HNRNPLL: variants seen among roughly 807,000 people sequenced by gnomAD.
The protein encoded by HNRNPLL is heterogeneous nuclear ribonucleoprotein L like.
Under a neutral mutation model 67.1 loss-of-function variants are expected in HNRNPLL, and 25 were observed. The ratio of observed to expected loss-of-function variants is 0.37; its 90% CI spans 0.27 to 0.52. The LOEUF is 0.52. HNRNPLL is among the 20% of genes least tolerant of loss of function. The pLI, the probability that HNRNPLL is intolerant of heterozygous loss-of-function variation, is 0.90. For missense variants in HNRNPLL, 542 were observed against 673.9 expected (o/e 0.80, Z 2.17); for synonymous variants, 267 against 241.7 (o/e 1.10, Z -0.97).
At chr2:38,594,574 G>T (rs749992929) in intron 1 of HNRNPLL, among the ~76,000 whole-genome samples, 10 of 152,144 alleles carry the variant, frequency 6.6e-5, no homozygotes, top group Non-Finnish European at 1.5e-4. Context: ...TATACGTTAA[G>T]TTGAACATTT....
intron 2 of HNRNPLL, among the ~76,000 whole-genome samples, chr2:38,589,500 T>C (rs1666877782): frequency 6.6e-6 from 1 of 152,246 alleles, no homozygotes. Flanking sequence ...CACCTATTTA[T>C]GCCAATTAAG....
At position 38,583,991 on chromosome 2, in the gene HNRNPLL, C is replaced by T. The variant is rs548262590; in HGVS notation, c.547-65G>A. 12 of 646,522 alleles carry T rather than the reference C, an allele frequency of 1.9e-5. No homozygotes were observed. The Admixed American group carries it at 3.3e-4, about 18-fold the overall frequency. The allele number at this position is 646,522 out of a possible 1,614,324, so 40.0% of individuals were successfully genotyped here. A position where few individuals can be genotyped will look rare whatever the true frequency, so the allele number is the denominator to read the frequency against. On this transcript the variant is annotated intron_variant, in intron 3 of 12. Transcript: ENST00000449105. The stretch of plus-strand genomic sequence containing the variant: ...CTGAAAAAACATTAAAGCTATACTT[C>T]GTTTTGTTTTACCTAAAAACTATCA...
At chr2:38,587,365 ATTAT>A (rs148974488) in intron 2 of HNRNPLL, among the ~76,000 whole-genome samples, 2,545 of 152,274 alleles carry the variant, frequency 0.017, 64 homozygotes, top group African/African-American at 0.058. Context: ...CTGTATTATT[ATTAT>A]TTAACGTATC....
chr2:38,594,989 A>AT (rs1187103416), intron 1 of HNRNPLL, among the ~76,000 whole-genome samples: 2 of 151,914 alleles, frequency 1.3e-5, no homozygotes, highest in African/African-American at 2.4e-5. Flanking sequence ...TAAATAAAAC[A>AT]TTATTAGCCA....
chr2:38,585,806 C>G lies in HNRNPLL; in HGVS notation c.384G>C (p.Val128=). The part of the protein sequence containing the change: ...FENIDSAKEC[V]TFAADEPVYI... ...ACACGGGTTCATCTGCAGCAAATGT[C>G]ACACATTCTTTGGCACTATCTATGT... The change falls in exon 3 of 13, where the codon GTG becomes GTC. Residue 128 remains valine (V), a synonymous_variant. Coordinates refer to ENST00000449105, the MANE Select transcript of HNRNPLL (RefSeq NM_138394.4). 1 of 1,613,992 alleles carries G rather than the reference C, an allele frequency of 6.2e-7. No homozygotes were observed. The highest frequency in any genetic ancestry group is 8.5e-7 in the Non-Finnish European group (1 of 1,179,906).
rs111364513 is a variant in HNRNPLL at position 38,584,750 on chromosome 2, C to G, written c.547-824G>C. Among the ~76,000 whole-genome samples the G allele has an allele frequency of 8.7e-3, 1,322 of 152,174 alleles. 16 individuals are homozygous for G. The highest frequency in any genetic ancestry group is 0.03 in the African/African-American group (1,247 of 41,526). The stretch of plus-strand genomic sequence containing the variant: ...TCACTAAACAAGACGCCTGAGTCAT[C>G]TAAGAATCTAAATACCTACTTAGGA... On this transcript the variant is annotated intron_variant, in intron 3 of 12. Transcript: ENST00000449105.
chr2:38,573,761 C>T lies in HNRNPLL; in HGVS notation c.875-334G>A, dbSNP rs891178573. Reference sequence around the variant, plus strand: ...TGGGGCTACTGTATATAAATTATACCTCAAATTTAAAAAATAAACCTCCTG... The same window carrying T: ...TGGGGCTACTGTATATAAATTATACTTCAAATTTAAAAAATAAACCTCCTG... On this transcript the variant is annotated intron_variant, in intron 7 of 12. Transcript: ENST00000449105. Among the ~76,000 whole-genome samples the T allele has an allele frequency of 3.3e-5, 5 of 151,546 alleles. No homozygotes were observed. In the South Asian group the frequency reaches 6.2e-4, roughly 19 times the overall value.
intron 1 of HNRNPLL, among the ~76,000 whole-genome samples, chr2:38,597,078 C>T (rs1047195837): frequency 2.0e-5 from 3 of 152,150 alleles, no homozygotes; most frequent in Admixed American, 1.3e-4. Flanking sequence ...GCAATACTAA[C>T]TTTAAATGCT....
At chr2:38,582,693 G>A (rs1046937864) in intron 4 of HNRNPLL, among the ~76,000 whole-genome samples, 3 of 152,050 alleles carry the variant, frequency 2.0e-5, no homozygotes, top group Admixed American at 1.3e-4. Flanking sequence ...GCTGAACCAG[G>A]TGAACAGCCT....
chr2:38,601,652 ATG>A (rs1461154677), intron 1 of HNRNPLL: 1 of 152,212 alleles, frequency 6.6e-6, no homozygotes, highest in East Asian at 1.9e-4. Flanking sequence ...GGCTCTAGGA[ATG>A]TGTGTTTAAT....
At chr2:38,590,613 C>T (rs944478233) in intron 2 of HNRNPLL, among the ~76,000 whole-genome samples, 8 of 152,156 alleles carry the variant, frequency 5.3e-5, no homozygotes, top group Admixed American at 2.0e-4. Context: ...ATTATGTTTT[C>T]ACTTAAGTTA....
At chr2:38,583,160 A>T (rs564303052) in intron 4 of HNRNPLL, among the ~76,000 whole-genome samples, 78 of 152,346 alleles carry the variant, frequency 5.1e-4, no homozygotes, top group African/African-American at 1.8e-3. Flanking sequence ...AAATTTTATC[A>T]GTTTTTAAAA....
intron 7 of HNRNPLL, 137 bp from the exon 8 acceptor site, chr2:38,573,564 A>C: frequency 1.6e-6 from 1 of 625,374 alleles, no homozygotes; most frequent in Non-Finnish European, 2.8e-6. Flanking sequence ...AGAAAACTCA[A>C]ATGTATGAAT....
chr2:38,562,010 T>C lies in HNRNPLL; in HGVS notation c.*2172A>G, dbSNP rs1194987840. 6.6e-6 allele frequency: 1 copy of C among 152,210 alleles called. No individual in the cohort carries two copies. The highest frequency in any genetic ancestry group is 1.5e-5 in the Non-Finnish European group (1 of 68,026). 9.4% of individuals were successfully genotyped at this position (152,210 alleles called of 1,614,324 possible). ...GGCAGATTTATTATCAAATGTGTAG[T>C]AGGATTTGGATACAGAGATGGGATT... On this transcript the variant is annotated 3_prime_UTR_variant, in exon 13 of 13. Coordinates refer to ENST00000449105, the MANE Select transcript of HNRNPLL (RefSeq NM_138394.4).
At chr2:38,573,849 C>T (rs1197295363) in intron 7 of HNRNPLL, among the ~76,000 whole-genome samples, 2 of 151,798 alleles carry the variant, frequency 1.3e-5, no homozygotes, top group African/African-American at 4.8e-5. Flanking sequence ...GCTATCTCTA[C>T]ACAGATATAA....
rs72905899 is a variant in HNRNPLL at position 38,586,560 on chromosome 2, G to A, written c.309-679C>T. On this transcript the variant is annotated intron_variant, in intron 2 of 12. Transcript: ENST00000449105. ...AGGTTGGCAGACAGAATCCCTACTTGACAGCACAAACTACCTCTCTCGAAT... is the reference window on the plus strand; with the variant it reads ...AGGTTGGCAGACAGAATCCCTACTTAACAGCACAAACTACCTCTCTCGAAT... Among the ~76,000 whole-genome samples, 926 of 152,252 alleles carry A rather than the reference G, an allele frequency of 6.1e-3. 14 individuals are homozygous for A. Among genetic ancestry groups the A allele is most frequent in the African/African-American group, 0.019 (785 of 41,538 alleles).
intron 2 of HNRNPLL, among the ~76,000 whole-genome samples, chr2:38,587,205 T>C (rs374152756): frequency 1.3e-5 from 2 of 152,156 alleles, no homozygotes; most frequent in South Asian, 4.1e-4. Flanking sequence ...AAGAAACAGA[T>C]CACCTTACAG....
intron 6 of HNRNPLL, 24 bp from the exon 7 acceptor site, chr2:38,577,556 T>C (rs765559884): frequency 7.3e-6 from 11 of 1,512,132 alleles, no homozygotes; most frequent in South Asian, 1.1e-5. Flanking sequence ...AGAAACATGG[T>C]TTTAACAATT....
rs1432978881 is a variant in HNRNPLL, at chr2:38,563,919, T to G, written c.*263A>C. On this transcript the variant is annotated 3_prime_UTR_variant, in exon 13 of 13. Coordinates refer to ENST00000449105, the MANE Select transcript of HNRNPLL (RefSeq NM_138394.4). ...TTTTACTGTGGAAGAAAAATTCCAG[T>G]AATAAGGTTAGAAATCATATATCTG... 3.4e-6 allele frequency: 1 copy of G among 296,578 alleles called. No individual in the cohort carries two copies. Among genetic ancestry groups the G allele is most frequent in the Non-Finnish European group, 6.2e-6 (1 of 162,038 alleles). The allele number at this position is 296,578 out of a possible 1,614,324, so 18.4% of individuals were successfully genotyped here.
Sources: gnomAD v4.1 joint callset for allele counts (sites outside exome capture counted in the v4.1 genomes callset) on GRCh38, gnomAD v4.1.1 for gene constraint, MANE v1.5 for transcripts, NCBI Gene and HGNC (gene_info 2026-07-23, HGNC 2026-07-21) for gene names.